Variants in MACF1 observed in about 807,000 individuals in gnomAD.
MACF1 encodes microtubule actin crosslinking factor 1, also known as microtubule-actin cross-linking factor 1.
In MACF1, 193 loss-of-function variants were observed where a neutral mutation model predicts 854.8. That is an observed-to-expected ratio of 0.23 (90% CI 0.20 to 0.25). MACF1 has a LOEUF of 0.25. Among genes scored for constraint, MACF1 ranks in the 10% least tolerant of loss-of-function variants. MACF1 has a pLI of 1.00. For synonymous variants in MACF1, 3,185 were observed against 3,226.7 expected, an observed-to-expected ratio of 0.99 and a Z score of 0.44; for missense variants, 7,722 against 8,929.1, an observed-to-expected ratio of 0.86 and a Z score of 5.45.
intron 82 of MACF1, 66 bp downstream of exon 82, chr1:39,447,964 G>C: frequency 6.2e-7 from 1 of 1,610,510 alleles, no homozygotes; most frequent in Non-Finnish European, 8.5e-7. Context: ...GAGTCTCTGG[G>C]ATGATTCTCA....
intron 61 of MACF1, among the ~76,000 whole-genome samples, chr1:39,425,510 T>C (rs1031646456): frequency 6.6e-6 from 1 of 152,180 alleles, no homozygotes; most frequent in Non-Finnish European, 1.5e-5. Flanking sequence ...TAAAATAAAA[T>C]ATAAACTCTT....
intron 30 of MACF1, among the ~76,000 whole-genome samples, chr1:39,319,012 A>ATTTTG (rs1057276370): frequency 4.9e-5 from 7 of 143,012 alleles, no homozygotes; most frequent in African/African-American, 1.3e-4. Flanking sequence ...TTTTGTTGGT[A>ATTTTG]TTTTGTTTTG....
intron 70 of MACF1, among the ~76,000 whole-genome samples, chr1:39,436,905 C>T (rs1445082558): frequency 6.6e-6 from 1 of 152,188 alleles, no homozygotes; most frequent in Admixed American, 6.5e-5. Flanking sequence ...TAGATTTGGT[C>T]TTCCTTAATT....
chr1:39,118,014 T>C (rs11580989), intron 2 of MACF1, among the ~76,000 whole-genome samples: 41,451 of 152,166 alleles, frequency 0.27, 6,092 homozygotes, highest in Non-Finnish European at 0.33. Context: ...TTTCTAGTCA[T>C]GCAGGACCTT....
intron 97 of MACF1, among the ~76,000 whole-genome samples, chr1:39,470,298 T>C (rs755908325): frequency 7.9e-5 from 12 of 152,222 alleles, no homozygotes; most frequent in Non-Finnish European, 1.8e-4. Context: ...ATTCTGTGTT[T>C]ACTACAGTAA....
At chr1:39,427,388 T>C (rs1643761493) in intron 61 of MACF1, 67 bp from the exon 62 acceptor site, 1 of 1,345,618 alleles carries the variant, frequency 7.4e-7, no homozygotes, top group Admixed American at 1.9e-5. Flanking sequence ...TTTTACTGAG[T>C]ATAGTACTAT....
intron 92 of MACF1, among the ~76,000 whole-genome samples, 169 bp from the exon 93 acceptor site, chr1:39,461,713 AC>A (rs1277294898): frequency 2.0e-5 from 3 of 150,582 alleles, no homozygotes; most frequent in Non-Finnish European, 1.5e-5. Flanking sequence ...AATCACTTGA[AC>A]CAGGGAGACG....
intron 2 of MACF1, among the ~76,000 whole-genome samples, chr1:39,117,483 C>T (rs979348570): frequency 6.6e-6 from 1 of 151,932 alleles, no homozygotes; most frequent in Non-Finnish European, 1.5e-5. Context: ...GATCTTGTTT[C>T]ACTCCCTGGT....
chr1:39,297,890 A>T, intron 21 of MACF1, 145 bp downstream of exon 21: 2 of 911,120 alleles, frequency 2.2e-6, no homozygotes, highest in Non-Finnish European at 3.2e-6. Flanking sequence ...AGTTTAATCG[A>T]TGTTGTTCTG....
At position 39,478,104 on chromosome 1, in the gene MACF1, G is replaced by A. The variant is rs568362409; in HGVS notation, c.21959-1694G>A. 5.3e-5 allele frequency among the ~76,000 whole-genome samples: 8 copies of A among 149,686 alleles called. No individual in the cohort carries two copies. In the Admixed American group the frequency reaches 5.4e-4, roughly 10 times the overall value. On this transcript the variant is annotated intron_variant, in intron 97 of 100. Coordinates refer to ENST00000564288, the MANE Select transcript of MACF1 (RefSeq NM_001394062.1). Reference sequence around the variant, plus strand: ...TGCAGCCTCCGCCTCCTGGGTTCAAGTGATTCTCCTGCCTCAGCCTCCTGA... The same window carrying A: ...TGCAGCCTCCGCCTCCTGGGTTCAAATGATTCTCCTGCCTCAGCCTCCTGA...
chr1:39,291,716 G>A (rs2148399350), intron 15 of MACF1, among the ~76,000 whole-genome samples, 194 bp from the exon 16 acceptor site: 1 of 152,208 alleles, frequency 6.6e-6, no homozygotes, highest in Non-Finnish European at 1.5e-5. Context: ...ATAATTGGTG[G>A]GCTCTGTTCT....
chr1:39,120,147 G>A (rs1642661707), intron 2 of MACF1, among the ~76,000 whole-genome samples: 1 of 152,036 alleles, frequency 6.6e-6, no homozygotes, highest in Non-Finnish European at 1.5e-5. Context: ...GCCTCCGAAA[G>A]TGCTGGGATT....
At chr1:39,229,943 A>G (rs905728221) in intron 1 of MACF1, among the ~76,000 whole-genome samples, 1 of 152,036 alleles carries the variant, frequency 6.6e-6, no homozygotes, top group Non-Finnish European at 1.5e-5. Flanking sequence ...GGGTTTTACC[A>G]TGTTGGCCAG....
chr1:39,439,537 G>A (rs927423504), intron 72 of MACF1, 37 bp downstream of exon 72: 1 of 1,532,302 alleles, frequency 6.5e-7, no homozygotes, highest in Non-Finnish European at 9.0e-7. Flanking sequence ...TTAGGTGTCT[G>A]TCCTCTAGAA....
chr1:39,360,398 A>G (rs1648085680), intron 47 of MACF1, among the ~76,000 whole-genome samples: 2 of 151,974 alleles, frequency 1.3e-5, no homozygotes, highest in Admixed American at 1.3e-4. Context: ...ATACTTAAGT[A>G]TCTTTAGTCC....
chr1:39,426,468 GACA>G (rs1244658271), intron 61 of MACF1, among the ~76,000 whole-genome samples: 4 of 152,180 alleles, frequency 2.6e-5, no homozygotes, highest in Non-Finnish European at 5.9e-5. Context: ...GTAATTCAAA[GACA>G]ACATTATGAC....
At chr1:39,261,225 C>T (rs1376112702) in intron 6 of MACF1, among the ~76,000 whole-genome samples, 3 of 152,002 alleles carry the variant, frequency 2.0e-5, no homozygotes, top group Non-Finnish European at 4.4e-5. Context: ...CATTCTGTAT[C>T]TTCCCATTCT....
intron 20 of MACF1, among the ~76,000 whole-genome samples, chr1:39,297,004 A>G (rs544421334): frequency 3.3e-5 from 5 of 151,820 alleles, no homozygotes; most frequent in African/African-American, 1.2e-4. Flanking sequence ...GCTCACTGCA[A>G]ACTCCGCCTC....
At chr1:39,317,469 CAG>C in intron 29 of MACF1, 62 bp downstream of exon 29, 8 of 1,524,074 alleles carry the variant, frequency 5.2e-6, no homozygotes, top group African/African-American at 1.4e-5. Flanking sequence ...TAAACAAAAA[CAG>C]AGTTATATCT....
Sources: gnomAD v4.1 joint callset for allele counts (sites outside exome capture counted in the v4.1 genomes callset) on GRCh38, gnomAD v4.1.1 for gene constraint, MANE v1.5 for transcripts, NCBI Gene and HGNC (gene_info 2026-07-23, HGNC 2026-07-21) for gene names.